Variants in EPHA4 observed in about 807,000 individuals in gnomAD.
EPHA4 encodes ephrin type-A receptor 4.
In EPHA4, 19 loss-of-function variants were observed where a neutral mutation model predicts 108.3. The ratio of observed to expected loss-of-function variants is 0.18; its 90% CI spans 0.12 to 0.26. The LOEUF (loss-of-function observed/expected upper bound fraction) is 0.26, where lower values mean the gene tolerates loss of function less well. EPHA4 is among the 10% of genes least tolerant of loss of function. EPHA4 has a pLI of 1.00. For synonymous variants in EPHA4, 449 were observed against 455.5 expected (o/e 0.99, Z 0.18); for missense variants, 917 against 1,254.0 (o/e 0.73, Z 4.06).
At chr2:221,536,850 T>C (rs1191812910) in intron 3 of EPHA4, among the ~76,000 whole-genome samples, 5 of 152,188 alleles carry the variant, frequency 3.3e-5, no homozygotes, top group Admixed American at 1.3e-4. Flanking sequence ...TCTCTGGGCT[T>C]TAGTTTCCTC....
intron 11 of EPHA4, among the ~76,000 whole-genome samples, chr2:221,439,025 C>T (rs1211628244): frequency 6.6e-6 from 1 of 152,008 alleles, no homozygotes; most frequent in African/African-American, 2.4e-5. Context: ...TCCATGAAGT[C>T]CAATATATCA....
intron 3 of EPHA4, among the ~76,000 whole-genome samples, chr2:221,534,015 A>G (rs1444266961): frequency 1.3e-5 from 2 of 152,196 alleles, no homozygotes; most frequent in African/African-American, 4.8e-5. Context: ...TAAAATATAC[A>G]TATAAGAACA....
At chr2:221,520,656 A>C (rs1052865504) in intron 3 of EPHA4, among the ~76,000 whole-genome samples, 4 of 152,212 alleles carry the variant, frequency 2.6e-5, no homozygotes, top group Admixed American at 2.6e-4. Flanking sequence ...CAGAAGTTTT[A>C]AACTGAGTAG....
Position 221,506,061 on chromosome 2 carries a change from C to T in EPHA4, c.824-4889G>A, listed in dbSNP as rs541179137. Reference sequence around the variant, plus strand: ...AAGGAGAATCTGAACCCTTTATGCACGCTGGTCTCCATACAATATTTGGCA... The same window carrying T: ...AAGGAGAATCTGAACCCTTTATGCATGCTGGTCTCCATACAATATTTGGCA... On this transcript the variant is annotated intron_variant, in intron 3 of 17. Transcript: ENST00000281821. Among the ~76,000 whole-genome samples, 232 of 152,120 alleles carry T rather than the reference C, an allele frequency of 1.5e-3. 2 individuals carry two copies. Among genetic ancestry groups the T allele is most frequent in the African/African-American group, 5.0e-3 (206 of 41,518 alleles).
chr2:221,498,514 G>A (rs556793750), intron 4 of EPHA4, among the ~76,000 whole-genome samples: 6 of 152,208 alleles, frequency 3.9e-5, no homozygotes, highest in East Asian at 1.9e-4. Context: ...GGACTGAAGA[G>A]TTCAAACAAA....
intron 9 of EPHA4, among the ~76,000 whole-genome samples, chr2:221,445,101 T>C (rs950382134): frequency 1.3e-5 from 2 of 152,188 alleles, no homozygotes; most frequent in Non-Finnish European, 2.9e-5. Context: ...AGTGACTTGT[T>C]ACATGAGGCT....
intron 3 of EPHA4, among the ~76,000 whole-genome samples, chr2:221,525,042 T>G (rs1407653094): frequency 9.9e-6 from 1 of 101,456 alleles, no homozygotes; most frequent in Non-Finnish European, 2.0e-5. Context: ...TTTTATAGCC[T>G]TTTGAAAGAG....
intron 3 of EPHA4, among the ~76,000 whole-genome samples, chr2:221,503,507 T>C (rs1692541966): frequency 1.3e-5 from 2 of 152,246 alleles, no homozygotes; most frequent in Admixed American, 6.5e-5. Context: ...TTATATATTA[T>C]GTGAATTTAA....
At chr2:221,459,954 G>A (rs1477684242) in intron 5 of EPHA4, among the ~76,000 whole-genome samples, 1 of 152,136 alleles carries the variant, frequency 6.6e-6, no homozygotes, top group Admixed American at 6.5e-5. Context: ...CCCTTGGAGT[G>A]CACTGATGAA....
At chr2:221,533,186 GTACATGCATTA>G (rs1247755555) in intron 3 of EPHA4, among the ~76,000 whole-genome samples, 12 of 152,182 alleles carry the variant, frequency 7.9e-5, no homozygotes. Context: ...ATTGAACAAT[GTACATGCATTA>G]TAATAAACCC....
At chr2:221,455,521 G>A in intron 8 of EPHA4, 26 bp downstream of exon 8, 1 of 1,548,934 alleles carries the variant, frequency 6.5e-7, no homozygotes, top group South Asian at 1.1e-5. Context: ...GTCGGGGGCT[G>A]CACAGTGAGT....
At chr2:221,519,444 C>G (rs1693093589) in intron 3 of EPHA4, among the ~76,000 whole-genome samples, 1 of 152,090 alleles carries the variant, frequency 6.6e-6, no homozygotes, top group Non-Finnish European at 1.5e-5. Context: ...GATTCCAAAG[C>G]AAGAATCTGA....
chr2:221,539,909 G>GTTATCTT (rs1333641948), intron 3 of EPHA4, among the ~76,000 whole-genome samples: 16 of 152,024 alleles, frequency 1.1e-4, no homozygotes, highest in African/African-American at 3.9e-4. Context: ...TTACAAGCCA[G>GTTATCTT]TTTTCTTTTT....
At chr2:221,536,688 G>A (rs949700275) in intron 3 of EPHA4, among the ~76,000 whole-genome samples, 1 of 152,212 alleles carries the variant, frequency 6.6e-6, no homozygotes, top group Non-Finnish European at 1.5e-5. Flanking sequence ...AACATAATGT[G>A]AGAATATGAC....
At position 221,482,757 on chromosome 2, in the gene EPHA4, G is replaced by A. The variant is rs1691863356; in HGVS notation, c.980-67C>T. On this transcript the variant is annotated intron_variant, in intron 4 of 17. Transcript: ENST00000281821. ...ACCCTTTTGGAATCTCTCAGAGTTT[G>A]TATTATTTTCTGCAGCTCTCCAAAG... 5.6e-6 allele frequency: 8 copies of A among 1,426,108 alleles called. No homozygotes were observed. The South Asian group carries it at 9.6e-5, about 17-fold the overall frequency. The allele number at this position is 1,426,108 out of a possible 1,614,324, so 88.3% of individuals were successfully genotyped here.
At chr2:221,520,231 CCAGA>C (rs1165818952) in intron 3 of EPHA4, among the ~76,000 whole-genome samples, 1 of 152,058 alleles carries the variant, frequency 6.6e-6, no homozygotes, top group Non-Finnish European at 1.5e-5. Context: ...TTCAATCAAA[CCAGA>C]CAGAGTACCA....
chr2:221,419,601 G>A lies in EPHA4; in HGVS notation c.*1771C>T, dbSNP rs1229531046. 6.6e-6 allele frequency: 1 copy of A among 152,628 alleles called. No homozygotes were observed. Among genetic ancestry groups the A allele is most frequent in the African/African-American group, 2.4e-5 (1 of 41,442 alleles). The allele number at this position is 152,628 out of a possible 1,614,324, so 9.5% of individuals were successfully genotyped here. On this transcript the variant is annotated 3_prime_UTR_variant, in exon 18 of 18. Transcript: ENST00000281821. ...ATCAAGGAACTGATGATTCAGATGA[G>A]TTCAATCAGAAAATTTGTAATTTTG...
chr2:221,498,585 C>T (rs1431405848), intron 4 of EPHA4, among the ~76,000 whole-genome samples: 3 of 151,680 alleles, frequency 2.0e-5, no homozygotes, highest in Non-Finnish European at 4.4e-5. Flanking sequence ...AAAGCAAAAA[C>T]AATCCTTGCC....
intron 4 of EPHA4, among the ~76,000 whole-genome samples, chr2:221,490,072 G>T (rs758714019): frequency 6.6e-6 from 1 of 151,408 alleles, no homozygotes; most frequent in Non-Finnish European, 1.5e-5. Context: ...CTTGAACCTG[G>T]CAGGTGGAGG....
Sources: allele counts gnomAD v4.1 joint callset (sites outside exome capture counted in the v4.1 genomes callset), GRCh38; gene constraint gnomAD v4.1.1; transcripts MANE v1.5; gene names NCBI Gene and HGNC (gene_info 2026-07-23, HGNC 2026-07-21).